The following TRIO variants were observed in gnomAD, a reference collection of about 807,000 sequenced individuals.
TRIO encodes triple functional domain protein.
TRIO carries 58 observed loss-of-function variants against 351.9 expected under a neutral mutation model. The observed-to-expected ratio is 0.16, with a 90% CI of 0.13 to 0.21. The LOEUF (loss-of-function observed/expected upper bound fraction) is 0.21. Ranked by LOEUF, TRIO falls within the 10% of genes least tolerant of loss-of-function variation. The pLI, the probability that TRIO is intolerant of heterozygous loss-of-function variation, is 1.00. For missense variants in TRIO, 3,201 were observed against 4,027.8 expected (o/e 0.79, Z 5.56); for synonymous variants, 1,758 against 1,595.7 (o/e 1.10, Z -2.42).
chr5:14,405,824 A>G, intron 31 of TRIO, 24 bp from the exon 32 acceptor site: 1 of 1,608,286 alleles, frequency 6.2e-7, no homozygotes, highest in Non-Finnish European at 8.5e-7. Context: ...TCCGTATCCT[A>G]AGCAACGCTA....
At chr5:14,344,900 A>G (rs185646557) in intron 11 of TRIO, among the ~76,000 whole-genome samples, 23 of 152,326 alleles carry the variant, frequency 1.5e-4, no homozygotes, top group African/African-American at 4.8e-4. Context: ...AGTTCCCTTC[A>G]TATTGGCAAA....
At chr5:14,145,998 G>C (rs1242662011) in intron 1 of TRIO, among the ~76,000 whole-genome samples, 1 of 152,158 alleles carries the variant, frequency 6.6e-6, no homozygotes, top group Non-Finnish European at 1.5e-5. Context: ...TTAGAATCAG[G>C]AGCCAGGGCA....
At position 14,488,074 on chromosome 5, in the gene TRIO, G is replaced by A. The variant is rs1242857577; in HGVS notation, c.7446G>A (p.Gly2482=). ...CCCCCAGCAGCCCCCTGCAGAAGGG[G>A]GGCTCCTTCTGGAGCTCCATCCCCG... ...PFPPSSPLQK[G]GSFWSSIPAS... The change falls in exon 48 of 57, where the codon GGG becomes GGA. Residue 2482 remains glycine, a synonymous_variant. Coordinates refer to ENST00000344204, the MANE Select transcript of TRIO (RefSeq NM_007118.4). 1 of 1,610,034 alleles carries A rather than the reference G, an allele frequency of 6.2e-7. No homozygotes were observed. The highest frequency in any genetic ancestry group is 2.2e-5 in the East Asian group (1 of 44,812).
chr5:14,187,960 C>T (rs1372465948), intron 1 of TRIO, among the ~76,000 whole-genome samples: 2 of 152,138 alleles, frequency 1.3e-5, no homozygotes, highest in Non-Finnish European at 2.9e-5. Context: ...GAGAAGCAGA[C>T]CCTGCTGTAT....
At chr5:14,334,714 G>A (rs537436773) in intron 10 of TRIO, among the ~76,000 whole-genome samples, 2 of 152,356 alleles carry the variant, frequency 1.3e-5, no homozygotes, top group East Asian at 3.9e-4. Flanking sequence ...TGATAGAGAT[G>A]CAGACACAGG....
At chr5:14,451,509 C>G (rs1752845607) in intron 34 of TRIO, among the ~76,000 whole-genome samples, 1 of 152,240 alleles carries the variant, frequency 6.6e-6, no homozygotes, top group Non-Finnish European at 1.5e-5. Context: ...CTGATTTTCA[C>G]ATTTGCCTTA....
chr5:14,457,904 C>G (rs1010008950), intron 34 of TRIO, among the ~76,000 whole-genome samples: 3 of 152,180 alleles, frequency 2.0e-5, no homozygotes, highest in Admixed American at 6.5e-5. Context: ...CCCCCAAGTT[C>G]TAACTTACAG....
chr5:14,488,364 TCCGCCG>T (rs1756198964), intron 48 of TRIO, 104 bp downstream of exon 48: 1 of 1,451,322 alleles, frequency 6.9e-7, no homozygotes, highest in Admixed American at 2.4e-5. Flanking sequence ...CCCAGCGCTC[TCCGCCG>T]CCCGTTGCGG....
At chr5:14,399,433 A>G (rs577569952) in intron 30 of TRIO, 190 of 309,024 alleles carry the variant, frequency 6.1e-4, no homozygotes, top group African/African-American at 2.6e-3. Context: ...TTTTTCAACC[A>G]TAAACATTGG....
intron 1 of TRIO, among the ~76,000 whole-genome samples, chr5:14,235,477 A>C (rs142478019): frequency 7.9e-5 from 12 of 152,356 alleles, no homozygotes; most frequent in African/African-American, 2.9e-4. Flanking sequence ...AAGTGTAGAC[A>C]ATAAATATGT....
intron 1 of TRIO, among the ~76,000 whole-genome samples, chr5:14,264,053 C>G (rs1561267323): frequency 6.6e-6 from 1 of 152,070 alleles, no homozygotes; most frequent in South Asian, 2.1e-4. Flanking sequence ...CAAAATATTC[C>G]CTTCCATTGG....
intron 1 of TRIO, among the ~76,000 whole-genome samples, chr5:14,153,688 ACT>A (rs1787955471): frequency 6.6e-6 from 1 of 151,642 alleles, no homozygotes; most frequent in African/African-American, 2.4e-5. Flanking sequence ...GCCCCATTTG[ACT>A]CTGTTTGTGA....
At chr5:14,200,720 G>A (rs1283125568) in intron 1 of TRIO, among the ~76,000 whole-genome samples, 4 of 152,110 alleles carry the variant, frequency 2.6e-5, no homozygotes, top group South Asian at 2.1e-4. Flanking sequence ...GTTTTGGTTC[G>A]TAGTGCAGAA....
chr5:14,374,438 G>A (rs765082012), intron 19 of TRIO, 95 bp downstream of exon 19: 5 of 789,870 alleles, frequency 6.3e-6, no homozygotes, highest in Non-Finnish European at 9.8e-6. Context: ...CTCAACTTCA[G>A]TTTCATTTTA....
rs1016603860 is a variant in TRIO, at chr5:14,502,579, G to T, written c.8333G>T (p.Gly2778Val). The T allele has an allele frequency of 6.2e-7, 1 of 1,614,140 alleles. No individual in the cohort carries two copies. Among genetic ancestry groups the T allele is most frequent in the Admixed American group, 1.7e-5 (1 of 60,026 alleles). Residue 2778 changes from glycine to valine, a missense_variant and splice_region_variant, in exon 54 of 57, where the codon GGT becomes GTT. By Grantham distance (109) the Gly-to-Val change is moderately radical. This residue lies in a region of TRIO where 1,089 missense variants were observed against 954.9 expected (regional missense o/e 1.14). Coordinates refer to ENST00000344204, the MANE Select transcript of TRIO (RefSeq NM_007118.4). The part of the protein sequence containing the change: ...ASSSASLRVL[G>V]PGMDGIMVTW... ...CAGGCAGGTGCTGTTCTTCTTGCAG[G>T]TCCAGGGATGGATGGGATCATGGTG... is the stretch of plus-strand genomic sequence containing the variant.
intron 1 of TRIO, among the ~76,000 whole-genome samples, chr5:14,207,559 G>GACACACACAC (rs1554033526): frequency 7.4e-5 from 7 of 94,588 alleles, no homozygotes; most frequent in East Asian, 3.6e-4. Context: ...CACACACACG[G>GACACACACAC]AGCCAGGTGT....
At chr5:14,171,363 T>C (rs1266576065) in intron 1 of TRIO, among the ~76,000 whole-genome samples, 1 of 152,240 alleles carries the variant, frequency 6.6e-6, no homozygotes, top group African/African-American at 2.4e-5. Context: ...TGACCAAAAC[T>C]GCAGGAATGT....
intron 9 of TRIO, among the ~76,000 whole-genome samples, chr5:14,321,115 G>A (rs952357282): frequency 6.6e-6 from 1 of 152,262 alleles, no homozygotes; most frequent in Non-Finnish European, 1.5e-5. Context: ...AGAGGGGCAA[G>A]TAGCAGCTAT....
rs995813987 is a variant in TRIO, at chr5:14,509,097, G to A, written c.*675G>A. The A allele has an allele frequency of 5.7e-6, 1 of 175,060 alleles. No homozygotes were observed. The highest frequency in any genetic ancestry group is 1.1e-5 in the Non-Finnish European group (1 of 88,240). The allele number at this position is 175,060 out of a possible 1,614,324, so 10.8% of individuals were successfully genotyped here. A position where few individuals can be genotyped will look rare whatever the true frequency, so the allele number is the denominator to read the frequency against. ...CCACCCACCACCTGGGGCTTCCTCT[G>A]GGGGTCCGAGGGTCTTCCCATCACA... On this transcript the variant is annotated 3_prime_UTR_variant, in exon 57 of 57. Coordinates refer to ENST00000344204, the MANE Select transcript of TRIO (RefSeq NM_007118.4).
Sources: gnomAD v4.1 joint callset for allele counts (sites outside exome capture counted in the v4.1 genomes callset) on GRCh38, gnomAD v4.1.1 for gene constraint, gnomAD v4.1.1 regional missense constraint, MANE v1.5 for transcripts, NCBI Gene and HGNC (gene_info 2026-07-23, HGNC 2026-07-21) for gene names.